URI1: variants seen among roughly 807,000 people sequenced by gnomAD.
The protein encoded by URI1 is URI1 prefoldin like chaperone.
Under a neutral mutation model 60.2 loss-of-function variants are expected in URI1, and 39 were observed. The observed-to-expected ratio is 0.65, with a 90% CI of 0.50 to 0.85. The LOEUF is 0.85. Among genes scored for constraint, URI1 ranks in the 40% least tolerant of loss-of-function variants. The pLI is 0.00. For missense variants in URI1, 691 were observed against 665.9 expected, an observed-to-expected ratio of 1.04 and a Z score of -0.42; for synonymous variants, 251 against 236.8, an observed-to-expected ratio of 1.06 and a Z score of -0.55.
chr19:29,976,692 A>G (rs1239739717), intron 2 of URI1, among the ~76,000 whole-genome samples: 1 of 152,222 alleles, frequency 6.6e-6, no homozygotes, highest in Non-Finnish European at 1.5e-5. Context: ...ATGAAATGAA[A>G]TAGTACATGT....
intron 4 of URI1, among the ~76,000 whole-genome samples, chr19:29,991,927 G>T (rs543534581): frequency 7.2e-5 from 11 of 152,152 alleles, no homozygotes; most frequent in Middle Eastern, 3.4e-3. Flanking sequence ...TTCTTCCCTG[G>T]ATGAACCGCA....
rs773924540 is a variant in URI1, at chr19:29,942,638, G to A, written c.91G>A (p.Ala31Thr). Residue 31 changes from alanine to threonine, a missense_variant, in exon 1 of 11, where the codon GCG (alanine) becomes ACG (threonine). Physicochemically the swap from Ala to Thr is moderately conservative, Grantham distance 58 (BLOSUM62 0). Transcript: ENST00000392271. ...ALVPLRAPDV[A>T]RLREEQEKVV... ...GGTTCCGTTGCGCGCCCCGGATGTG[G>A]CGCGGCTGCGCGAGGAGCAGGAAAA... 1 of 1,457,684 alleles carries A rather than the reference G, an allele frequency of 6.9e-7. No homozygotes were observed. The allele number at this position is 1,457,684 out of a possible 1,614,324, so 90.3% of individuals were successfully genotyped here.
chr19:29,966,866 T>G (rs2055397477), intron 1 of URI1, among the ~76,000 whole-genome samples: 1 of 152,218 alleles, frequency 6.6e-6, no homozygotes, highest in Admixed American at 6.5e-5. Flanking sequence ...TATTATGCAT[T>G]AACCCATACA....
At chr19:29,928,921 A>G (rs1414037447) in intron 1 of URI1, among the ~76,000 whole-genome samples, 1 of 152,172 alleles carries the variant, frequency 6.6e-6, no homozygotes, top group Non-Finnish European at 1.5e-5. Flanking sequence ...TCACCAGCAA[A>G]GTAGGAAACC....
At chr19:29,987,892 G>T (rs949839775) in intron 4 of URI1, among the ~76,000 whole-genome samples, 41 of 152,116 alleles carry the variant, frequency 2.7e-4, no homozygotes, top group African/African-American at 9.7e-4. Context: ...TCTGGGCCGG[G>T]CGCAGGGGCT....
At chr19:29,977,720 AC>A (rs1358018215) in intron 2 of URI1, among the ~76,000 whole-genome samples, 10 of 151,994 alleles carry the variant, frequency 6.6e-5, no homozygotes, top group Admixed American at 5.2e-4. Flanking sequence ...AAGTTTCTGC[AC>A]AGTTTTAAAA....
intron 2 of URI1, among the ~76,000 whole-genome samples, chr19:29,982,573 T>C (rs1211668896): frequency 2.0e-5 from 3 of 152,132 alleles, no homozygotes; most frequent in Admixed American, 2.0e-4. Context: ...AAGCTGTTAG[T>C]GTTATGTTAT....
chr19:30,004,527 T>G (rs2055915745), intron 4 of URI1: 1 of 152,026 alleles, frequency 6.6e-6, no homozygotes, highest in African/African-American at 2.4e-5. Flanking sequence ...TGTAAAACAG[T>G]AGGAAATCAC....
intron 2 of URI1, among the ~76,000 whole-genome samples, chr19:29,981,381 A>T (rs1465251693): frequency 1.3e-5 from 2 of 152,048 alleles, no homozygotes; most frequent in Non-Finnish European, 2.9e-5. Context: ...CTACAATTTT[A>T]TGCAAATGAG....
intron 6 of URI1, among the ~76,000 whole-genome samples, chr19:30,006,099 T>C (rs1420839850): frequency 5.9e-5 from 9 of 152,202 alleles, no homozygotes; most frequent in South Asian, 2.1e-4. Flanking sequence ...TGTAAGCTGT[T>C]TTTGGAAGAA....
chr19:29,951,235 A>C (rs1213340382), intron 1 of URI1, among the ~76,000 whole-genome samples: 1 of 152,254 alleles, frequency 6.6e-6, no homozygotes, highest in African/African-American at 2.4e-5. Context: ...TCTCTCCATC[A>C]TAAAGTTACC....
chr19:29,956,732 A>C, intron 1 of URI1: 15 of 1,567,136 alleles, frequency 9.6e-6, no homozygotes, highest in East Asian at 2.2e-5. Flanking sequence ...ATGGAAGCCC[A>C]GTGTAACACC....
At position 30,012,285 on chromosome 19, in the gene URI1, A is replaced by G; in HGVS notation, c.1179A>G (p.Arg393=). The change falls in exon 10 of 11, where the codon AGA becomes AGG. Residue 393 remains arginine (R), a splice_region_variant and synonymous_variant. Transcript: ENST00000392271. ...PTIRTPADIY[R]AFVDVVNGEY... is the part of the protein sequence containing the mutation. ...TGCATATGTGTTTTGAATATCACAG[A>G]GCCTTTGTTGATGTTGTGAATGGAG... The G allele has an allele frequency of 6.2e-7, 1 of 1,611,464 alleles. No homozygotes were observed. Among genetic ancestry groups the G allele is most frequent in the Non-Finnish European group, 8.5e-7 (1 of 1,177,864 alleles).
At chr19:29,953,994 A>G (rs534935814) in intron 1 of URI1, among the ~76,000 whole-genome samples, 68 of 152,352 alleles carry the variant, frequency 4.5e-4, no homozygotes, top group South Asian at 1.0e-3. Context: ...ACTGGGTTCA[A>G]TGGACCCTGA....
intron 2 of URI1, among the ~76,000 whole-genome samples, chr19:29,976,876 G>A (rs1483069527): frequency 6.6e-6 from 1 of 152,136 alleles, no homozygotes; most frequent in Non-Finnish European, 1.5e-5. Flanking sequence ...CTTTGTTCAG[G>A]TGTTTAATTT....
At position 30,005,634 on chromosome 19, in the gene URI1, T is replaced by C. The variant is rs2055932009; in HGVS notation, c.460-17T>C. 1 of 1,606,126 alleles carries C rather than the reference T, an allele frequency of 6.2e-7. No individual in the cohort carries two copies. The highest frequency in any genetic ancestry group is 1.7e-5 in the Admixed American group (1 of 58,358). ...GATTTGTGTTGTTAATACGCTTTTT[T>C]TTTGTTTAAAAACCAGGCTGCAGGT... On this transcript the variant is annotated splice_polypyrimidine_tract_variant and intron_variant, in intron 5 of 10. Coordinates refer to ENST00000392271, the MANE Select transcript of URI1 (RefSeq NM_003796.3).
chr19:30,012,413 G>T lies in URI1; in HGVS notation c.1307G>T (p.Gly436Val). ...SSAAEFDDRR[G>V]VLRSISCEEA... Reference sequence around the variant, plus strand: ...GCTGCTGAATTTGATGATAGGCGGGGAGTTTTGAGGAGTATCAGCTGCGAA... The same window carrying T: ...GCTGCTGAATTTGATGATAGGCGGGTAGTTTTGAGGAGTATCAGCTGCGAA... The change falls in exon 10 of 11, where the codon GGA becomes GTA. Residue 436 changes from glycine (G) to valine (V), a missense_variant. Transcript: ENST00000392271. 1.9e-6 allele frequency: 3 copies of T among 1,614,200 alleles called. No homozygotes were observed. The highest frequency in any genetic ancestry group is 2.5e-6 in the Non-Finnish European group (3 of 1,180,032).
At chr19:29,927,103 T>TC (rs1405483732) in intron 1 of URI1, among the ~76,000 whole-genome samples, 1 of 152,114 alleles carries the variant, frequency 6.6e-6, no homozygotes, top group Non-Finnish European at 1.5e-5. Flanking sequence ...CTACTGGACT[T>TC]CCCAGGTGAG....
intron 1 of URI1, among the ~76,000 whole-genome samples, chr19:29,935,829 C>G (rs1423707225): frequency 6.6e-6 from 1 of 150,916 alleles, no homozygotes; most frequent in East Asian, 1.9e-4. Flanking sequence ...CACTGTCATC[C>G]AGGCTGGAGT....
Sources: allele counts gnomAD v4.1 joint callset (sites outside exome capture counted in the v4.1 genomes callset), GRCh38; gene constraint gnomAD v4.1.1; transcripts MANE v1.5; gene names NCBI Gene and HGNC (gene_info 2026-07-23, HGNC 2026-07-21).